CCDC7: variants seen among roughly 807,000 people sequenced by gnomAD.
CCDC7 encodes coiled-coil domain-containing protein 7.
A neutral mutation model predicts 196.9 loss-of-function variants in CCDC7; 183 were observed. The observed-to-expected ratio is 0.93, with a 90% CI of 0.82 to 1.05. The LOEUF is 1.05. Among genes scored for constraint, CCDC7 ranks in the 50% least tolerant of loss-of-function variants. The probability of loss-of-function intolerance (pLI) is 0.00; values close to 1 mark genes in which losing one functional copy is unlikely to be tolerated. For synonymous variants in CCDC7, 525 were observed against 484.6 expected (o/e 1.08, Z -1.10); for missense variants, 1,540 against 1,482.2 (o/e 1.04, Z -0.64).
intron 16 of CCDC7, among the ~76,000 whole-genome samples, chr10:32,582,260 A>C (rs1043853263): frequency 6.6e-6 from 1 of 151,338 alleles, no homozygotes; most frequent in Non-Finnish European, 1.5e-5. Context: ...TACATTGAAA[A>C]ATTTTTCTTC....
intron 29 of CCDC7, among the ~76,000 whole-genome samples, chr10:32,782,780 A>T (rs2081266066): frequency 6.6e-6 from 1 of 152,216 alleles, no homozygotes; most frequent in African/African-American, 2.4e-5. Flanking sequence ...CAAAAGAGTG[A>T]TATACTGGCA....
At chr10:32,678,986 C>G in intron 21 of CCDC7, among the ~76,000 whole-genome samples, 1 of 152,094 alleles carries the variant, frequency 6.6e-6, no homozygotes, top group East Asian at 1.9e-4. Flanking sequence ...ATCAATCCCC[C>G]TATTTTAATT....
intron 28 of CCDC7, among the ~76,000 whole-genome samples, chr10:32,748,799 G>A (rs930313165): frequency 3.3e-5 from 5 of 152,144 alleles, no homozygotes; most frequent in African/African-American, 9.7e-5. Context: ...AGTCGGTTTG[G>A]CTCTGGTAAA....
At chr10:32,789,266 A>T (rs2082325595) in intron 29 of CCDC7, among the ~76,000 whole-genome samples, 1 of 152,196 alleles carries the variant, frequency 6.6e-6, no homozygotes, top group Non-Finnish European at 1.5e-5. Context: ...ATAAATGGAG[A>T]TTTATAAACT....
At chr10:32,854,284 GAAAA>G in intron 40 of CCDC7, 112 bp from the exon 42 acceptor site, 1 of 641,848 alleles carries the variant, frequency 1.6e-6, no homozygotes, top group Non-Finnish European at 2.6e-6. Context: ...CTAAATTACT[GAAAA>G]AAAGTTGTAA....
chr10:32,710,378 G>A (rs1376089330), intron 24 of CCDC7, among the ~76,000 whole-genome samples: 4 of 152,140 alleles, frequency 2.6e-5, no homozygotes, highest in Admixed American at 6.5e-5. Flanking sequence ...AAATCAGCTC[G>A]CAGGTTCTCT....
chr10:32,862,688 A>G (rs1165722034), intron 41 of CCDC7, among the ~76,000 whole-genome samples: 1 of 152,146 alleles, frequency 6.6e-6, no homozygotes, highest in Non-Finnish European at 1.5e-5. Context: ...TACTAGAAGT[A>G]CTATCAAGGA....
rs75809275 is a variant in CCDC7, at chr10:32,502,835, C to T, written c.872+10838C>T. 7.9e-3 allele frequency among the ~76,000 whole-genome samples: 1,206 copies of T among 152,260 alleles called. 7 individuals carry two copies. The highest frequency in any genetic ancestry group is 0.02 in the Middle Eastern group (6 of 294). ...TGTGTTCTTCAATTTATTTCATCAA[C>T]ATCTTATAGTTTTCAGTGCAAAAGA... On this transcript the variant is annotated intron_variant, in intron 9 of 41. Coordinates refer to ENST00000639629, the Ensembl canonical transcript of CCDC7.
intron 20 of CCDC7, among the ~76,000 whole-genome samples, chr10:32,663,219 A>G (rs182711849): frequency 1.6e-4 from 24 of 152,238 alleles, no homozygotes; most frequent in African/African-American, 3.9e-4. Context: ...CATCTCTTCT[A>G]TGGTCTCTTT....
chr10:32,674,535 G>A (rs2074599627), intron 21 of CCDC7, among the ~76,000 whole-genome samples: 1 of 152,050 alleles, frequency 6.6e-6, no homozygotes, highest in Non-Finnish European at 1.5e-5. Context: ...ATCTCAGTGT[G>A]TAGGAGAATT....
chr10:32,757,419 A>G (rs896913628), intron 28 of CCDC7, among the ~76,000 whole-genome samples: 2 of 152,250 alleles, frequency 1.3e-5, no homozygotes, highest in African/African-American at 4.8e-5. Flanking sequence ...ACCACAGTGC[A>G]ATCAAACCAG....
At chr10:32,699,955 C>T (rs1412993426) in intron 24 of CCDC7, among the ~76,000 whole-genome samples, 2 of 149,318 alleles carry the variant, frequency 1.3e-5, no homozygotes, top group East Asian at 1.9e-4. Context: ...TGGATATTAG[C>T]CCTTTGTCAG....
intron 33 of CCDC7, among the ~76,000 whole-genome samples, chr10:32,844,973 A>G (rs2093195154): frequency 6.6e-6 from 1 of 151,824 alleles, no homozygotes; most frequent in Non-Finnish European, 1.5e-5. Flanking sequence ...AGCAGATGCT[A>G]TTGGAAGAGG....
rs568369314 is a variant in CCDC7 at position 32,834,343 on chromosome 10, A to C, written c.3269-472A>C. Among the ~76,000 whole-genome samples the C allele has an allele frequency of 2.0e-5, 3 of 152,238 alleles. 1 individual carries two copies. In the South Asian group the frequency reaches 6.2e-4, roughly 32 times the overall value. On this transcript the variant is annotated intron_variant, in intron 32 of 41. Coordinates refer to ENST00000639629, the Ensembl canonical transcript of CCDC7. ...TGTGACTATAAAGACCATAGTTCAC[A>C]AGTTGACTTGTGAATAAAATTATAT...
intron 16 of CCDC7, among the ~76,000 whole-genome samples, chr10:32,581,204 C>T (rs879233857): frequency 6.6e-5 from 10 of 151,982 alleles, no homozygotes; most frequent in Admixed American, 3.3e-4. Context: ...GACTATTATA[C>T]GGTAGTATTT....
At chr10:32,578,619 G>A (rs893212172) in intron 16 of CCDC7, among the ~76,000 whole-genome samples, 1 of 151,742 alleles carries the variant, frequency 6.6e-6, no homozygotes, top group African/African-American at 2.4e-5. Context: ...AACTAATGCG[G>A]CTGCTGATCT....
At chr10:32,667,442 C>T (rs1295350062) in intron 21 of CCDC7, among the ~76,000 whole-genome samples, 1 of 152,168 alleles carries the variant, frequency 6.6e-6, no homozygotes, top group Non-Finnish European at 1.5e-5. Context: ...GAAGTCTTTA[C>T]CCATGCCTAT....
At chr10:32,800,694 G>C (rs1000931989) in intron 29 of CCDC7, among the ~76,000 whole-genome samples, 13 of 152,158 alleles carry the variant, frequency 8.5e-5, no homozygotes, top group Non-Finnish European at 1.8e-4. Flanking sequence ...ATAAACTGTT[G>C]GTAGTGTAGT....
intron 31 of CCDC7, among the ~76,000 whole-genome samples, chr10:32,822,975 CCT>C (rs1385721469): frequency 1.3e-5 from 2 of 152,150 alleles, no homozygotes; most frequent in Admixed American, 6.5e-5. Context: ...ATCTAAAAAT[CCT>C]CTGATTTCTT....
Sources: gnomAD v4.1 joint callset for allele counts (sites outside exome capture counted in the v4.1 genomes callset) on GRCh38, gnomAD v4.1.1 for gene constraint, MANE v1.5 for transcripts, NCBI Gene and HGNC (gene_info 2026-07-23, HGNC 2026-07-21) for gene names.